HACD3: variants seen among roughly 807,000 people sequenced by gnomAD.
HACD3 encodes the protein 3-hydroxyacyl-CoA dehydratase 3.
In HACD3, 30 loss-of-function variants were observed where a neutral mutation model predicts 55.2. That is an observed-to-expected ratio of 0.54 (90% CI 0.41 to 0.74). The LOEUF (loss-of-function observed/expected upper bound fraction) is 0.74, where lower values mean the gene tolerates loss of function less well. HACD3 is among the 30% of genes least tolerant of loss of function. The probability of loss-of-function intolerance (pLI) is 0.00; values close to 1 mark genes in which losing one functional copy is unlikely to be tolerated. For synonymous variants in HACD3, 141 were observed against 151.7 expected, an observed-to-expected ratio of 0.93 and a Z score of 0.52; for missense variants, 363 against 440.1, an observed-to-expected ratio of 0.82 and a Z score of 1.57.
At chr15:65,566,783 A>C (rs945862092) in intron 7 of HACD3, 2 of 152,108 alleles carry the variant, frequency 1.3e-5, no homozygotes, top group East Asian at 3.9e-4. Flanking sequence ...AACATTTAAA[A>C]CCCCAGGGTT....
In HACD3 at chr15:65,570,071, C is replaced by T. The variant is rs1442918008; in HGVS notation, c.661-20C>T. The T allele has an allele frequency of 1.3e-6, 2 of 1,491,558 alleles. No individual in the cohort carries two copies. The highest frequency in any genetic ancestry group is 1.2e-5 in the South Asian group (1 of 83,836). The allele number at this position is 1,491,558 out of a possible 1,614,324, so 92.4% of individuals were successfully genotyped here. A position where few individuals can be genotyped will look rare whatever the true frequency, so the allele number is the denominator to read the frequency against. On this transcript the variant is annotated intron_variant, in intron 7 of 10. Transcript: ENST00000261875. ...ATATATTTTATTAACTTTTTTCTCTCTTTTGGGTCTTTCTAATAGCTTCTT... is the reference window on the plus strand; with the variant it reads ...ATATATTTTATTAACTTTTTTCTCTTTTTTGGGTCTTTCTAATAGCTTCTT...
intron 7 of HACD3, among the ~76,000 whole-genome samples, chr15:65,569,619 G>A (rs1214115804): frequency 1.3e-5 from 2 of 151,820 alleles, no homozygotes; most frequent in African/African-American, 2.4e-5. Context: ...GAAGTGGGAG[G>A]ATTGCTTGAG....
At chr15:65,531,231 C>T (rs1221063888) in intron 1 of HACD3, 1 of 148,496 alleles carries the variant, frequency 6.7e-6, no homozygotes, top group African/African-American at 2.5e-5. Context: ...GGGTGGGGGG[C>T]CACACCCACC....
intron 7 of HACD3, 67 bp downstream of exon 7, chr15:65,564,409 A>G: frequency 6.5e-7 from 1 of 1,543,032 alleles, no homozygotes; most frequent in African/African-American, 1.4e-5. Flanking sequence ...GGGTATGTGT[A>G]TTAGTCCATT....
intron 7 of HACD3, 88 bp from the exon 8 acceptor site, chr15:65,570,003 T>G: frequency 1.2e-6 from 1 of 829,898 alleles, no homozygotes; most frequent in Non-Finnish European, 1.8e-6. Context: ...TGCCTTGCAT[T>G]TAGTGGGGTT....
At chr15:65,539,409 TG>T (rs1282010515) in intron 1 of HACD3, among the ~76,000 whole-genome samples, 2 of 151,864 alleles carry the variant, frequency 1.3e-5, no homozygotes, top group East Asian at 3.9e-4. Flanking sequence ...TTAGTAGAGA[TG>T]GGGTTTCACC....
chr15:65,538,775 T>C (rs1772791950), intron 1 of HACD3, among the ~76,000 whole-genome samples: 1 of 152,180 alleles, frequency 6.6e-6, no homozygotes, highest in Admixed American at 6.5e-5. Context: ...TGTCCTCCTT[T>C]AAGAAATTGC....
intron 6 of HACD3, 42 bp from the exon 7 acceptor site, chr15:65,564,173 T>G (rs1294644027): frequency 2.5e-6 from 4 of 1,593,216 alleles, no homozygotes; most frequent in Non-Finnish European, 3.4e-6. Context: ...TCTGTTGGAA[T>G]TTACCAACTG....
chr15:65,534,406 C>T (rs1361292044), intron 1 of HACD3: 1 of 152,226 alleles, frequency 6.6e-6, no homozygotes, highest in Admixed American at 6.5e-5. Context: ...ACAATAAAGA[C>T]TTCAGCAGTG....
At chr15:65,571,773 G>T in intron 9 of HACD3, 119 bp downstream of exon 9, 1 of 788,398 alleles carries the variant, frequency 1.3e-6, no homozygotes, top group Non-Finnish European at 2.0e-6. Flanking sequence ...ATTTTTCAGG[G>T]ATTTCTTTCC....
intron 1 of HACD3, chr15:65,535,668 T>C (rs2071946975): frequency 2.4e-6 from 1 of 423,914 alleles, no homozygotes. Context: ...TCTGTTCTGG[T>C]GATCTGTGAT....
chr15:65,570,838 G>GA (rs2072340791), intron 8 of HACD3, among the ~76,000 whole-genome samples: 5 of 152,158 alleles, frequency 3.3e-5, no homozygotes, highest in Non-Finnish European at 7.3e-5. Flanking sequence ...TGACAAAGTT[G>GA]CTAGTTGAGA....
intron 10 of HACD3, among the ~76,000 whole-genome samples, chr15:65,575,714 A>G (rs1250311517): frequency 6.6e-6 from 1 of 152,224 alleles, no homozygotes; most frequent in Non-Finnish European, 1.5e-5. Context: ...CCAATATAGT[A>G]AAAAGCAGTA....
At chr15:65,546,705 T>C (rs1286191683) in intron 1 of HACD3, among the ~76,000 whole-genome samples, 1 of 152,198 alleles carries the variant, frequency 6.6e-6, no homozygotes, top group Non-Finnish European at 1.5e-5. Flanking sequence ...CCTTCCAAAG[T>C]GCTGGGATTG....
chr15:65,533,680 T>C (rs1350528551), intron 1 of HACD3, among the ~76,000 whole-genome samples: 1 of 150,342 alleles, frequency 6.7e-6, no homozygotes, highest in Non-Finnish European at 1.5e-5. Context: ...TTTTTCTTTC[T>C]CAACTGATTG....
rs199811173 is a variant in HACD3, at chr15:65,552,626, G to A, written c.130+908G>A. 1.8e-4 allele frequency among the ~76,000 whole-genome samples: 27 copies of A among 151,718 alleles called. No individual in the cohort carries two copies. In the East Asian group the frequency reaches 3.3e-3, roughly 18 times the overall value. On this transcript the variant is annotated intron_variant, in intron 2 of 10. Transcript: ENST00000261875. ...GCTGGGATTATAGGCGTGAGCCACC[G>A]TGCCTGTTTTTTGTTTTTTGTTTTT...
intron 1 of HACD3, chr15:65,530,929 C>T: frequency 3.8e-6 from 2 of 527,232 alleles, no homozygotes; most frequent in South Asian, 2.4e-5. Flanking sequence ...GCTGCAGGAA[C>T]CTTCGGGTCC....
Position 65,578,070 on chromosome 15 carries a change from T to C in HACD3, c.*1691T>C, listed in dbSNP as rs1596223319. The C allele has an allele frequency of 6.6e-6, 1 of 152,412 alleles. No homozygotes were observed. Among genetic ancestry groups the C allele is most frequent in the East Asian group, 1.9e-4 (1 of 5,190 alleles). The allele number at this position is 152,412 out of a possible 1,614,324, so 9.4% of individuals were successfully genotyped here. On this transcript the variant is annotated 3_prime_UTR_variant, in exon 11 of 11. Coordinates refer to ENST00000261875, the MANE Select transcript of HACD3 (RefSeq NM_016395.4). ...CTGAGCCCAAGATGGAAACTTGGTT[T>C]GACCTAAAACATCTGATTAATATAG...
rs1256134436 is a variant in HACD3 at position 65,558,695 on chromosome 15, A to G, written c.385A>G (p.Asn129Asp). The change falls in exon 5 of 11, where the codon AAT becomes GAT. Residue 129 changes from asparagine to aspartate, a missense_variant. Asn to Asp is a conservative substitution (Grantham distance 23, BLOSUM62 1). Coordinates refer to ENST00000261875, the MANE Select transcript of HACD3 (RefSeq NM_016395.4). ...TAAATTCTAGGAAGAAGAGCGCCTA[A>G]ATAAACTCCGACTGGAAAGCGAAGG... ...ELRAKEEERLNKLRLESEGSP... is the reference protein window; with the variant it reads ...ELRAKEEERLDKLRLESEGSP... The G allele has an allele frequency of 3.1e-6, 5 of 1,599,988 alleles. No homozygotes were observed. The East Asian group carries it at 1.1e-4, about 36-fold the overall frequency.
Sources: gnomAD v4.1 joint callset for allele counts (sites outside exome capture counted in the v4.1 genomes callset) on GRCh38, gnomAD v4.1.1 for gene constraint, MANE v1.5 for transcripts, NCBI Gene and HGNC (gene_info 2026-07-23, HGNC 2026-07-21) for gene names.